NRXN1: variants seen among roughly 807,000 people sequenced by gnomAD.
NRXN1 encodes the protein neurexin 1.
A neutral mutation model predicts 150.9 loss-of-function variants in NRXN1; 39 were observed. The ratio of observed to expected loss-of-function variants is 0.26; its 90% CI spans 0.20 to 0.34. The LOEUF (loss-of-function observed/expected upper bound fraction) is 0.34, where lower values mean the gene tolerates loss of function less well. NRXN1 is among the 10% of genes least tolerant of loss of function. The probability of loss-of-function intolerance (pLI) is 1.00; values close to 1 mark genes in which losing one functional copy is unlikely to be tolerated. For synonymous variants in NRXN1, 924 were observed against 757.0 expected, an observed-to-expected ratio of 1.22 and a Z score of -3.62; for missense variants, 1,815 against 1,949.9, an observed-to-expected ratio of 0.93 and a Z score of 1.30.
chr2:50,942,766 C>T (rs1177037372), intron 2 of NRXN1, among the ~76,000 whole-genome samples: 1 of 152,102 alleles, frequency 6.6e-6, no homozygotes, highest in Non-Finnish European at 1.5e-5. Flanking sequence ...GAGGAAGAAC[C>T]TTGCCTTGTC....
At position 50,759,303 on chromosome 2, in the gene NRXN1, G is replaced by A. The variant is rs183667991; in HGVS notation, c.833-135688C>T. On this transcript the variant is annotated intron_variant, in intron 5 of 22. Coordinates refer to ENST00000401669, the MANE Select transcript of NRXN1 (RefSeq NM_001330078.2). ...GGTACAAAATCCCATTGAAAACTCA[G>A]AAATGGGACTGATGGGAGAACTGAA... Among the ~76,000 whole-genome samples the A allele has an allele frequency of 9.1e-4, 138 of 151,972 alleles. 1 individual carries two copies. Among genetic ancestry groups the A allele is most frequent in the Non-Finnish European group, 5.3e-4 (36 of 67,878 alleles).
chr2:50,926,180 C>G (rs915858970), intron 2 of NRXN1, among the ~76,000 whole-genome samples: 1 of 151,878 alleles, frequency 6.6e-6, no homozygotes, highest in African/African-American at 2.4e-5. Flanking sequence ...TACTGCCATG[C>G]CCTGTGCAAA....
At chr2:50,465,343 C>T in intron 17 of NRXN1, 99 bp downstream of exon 17, 1 of 1,233,260 alleles carries the variant, frequency 8.1e-7, no homozygotes. Context: ...GTTCGACTGA[C>T]TCAGAGTTAA....
intron 17 of NRXN1, among the ~76,000 whole-genome samples, chr2:50,450,214 A>G (rs1406214305): frequency 6.6e-6 from 1 of 152,138 alleles, no homozygotes; most frequent in African/African-American, 2.4e-5. Flanking sequence ...TTCCCAATTA[A>G]GGTCCATCTC....
chr2:50,825,427 G>T (rs773696009), intron 5 of NRXN1, among the ~76,000 whole-genome samples: 4 of 152,150 alleles, frequency 2.6e-5, no homozygotes, highest in African/African-American at 9.6e-5. Context: ...CCAAGTAGGT[G>T]AGAAAGGCTG....
intron 17 of NRXN1, among the ~76,000 whole-genome samples, chr2:50,461,272 G>T (rs565303201): frequency 6.6e-6 from 1 of 151,992 alleles, no homozygotes; most frequent in South Asian, 2.1e-4. Context: ...TCTGAAAACA[G>T]CCTTTTAATA....
chr2:50,725,351 A>G (rs779206980), intron 5 of NRXN1, among the ~76,000 whole-genome samples: 4 of 152,030 alleles, frequency 2.6e-5, no homozygotes, highest in Non-Finnish European at 5.9e-5. Context: ...ACTTAAAAAA[A>G]AAAACCCACA....
chr2:50,341,370 GC>G (rs2077536106), intron 17 of NRXN1, among the ~76,000 whole-genome samples: 4 of 150,040 alleles, frequency 2.7e-5, no homozygotes, highest in Non-Finnish European at 4.4e-5. Context: ...CCCTACATGT[GC>G]TCTAAAGTCT....
intron 18 of NRXN1, among the ~76,000 whole-genome samples, chr2:50,159,880 T>C (rs2059256412): frequency 6.6e-6 from 1 of 152,158 alleles, no homozygotes. Context: ...ATAATTATGC[T>C]GTGGAAGAAA....
intron 8 of NRXN1, among the ~76,000 whole-genome samples, chr2:50,566,245 A>G (rs1669823243): frequency 6.6e-6 from 1 of 151,552 alleles, no homozygotes; most frequent in African/African-American, 2.4e-5. Context: ...TGCCTGGTAT[A>G]ATTATTTTTT....
chr2:50,907,091 G>T (rs1003966424), intron 5 of NRXN1, among the ~76,000 whole-genome samples: 1 of 151,144 alleles, frequency 6.6e-6, no homozygotes, highest in Non-Finnish European at 1.5e-5. Context: ...ATGTAGAAAG[G>T]TCACTCTCTC....
At chr2:50,313,427 G>A (rs2075339240) in intron 17 of NRXN1, among the ~76,000 whole-genome samples, 1 of 152,104 alleles carries the variant, frequency 6.6e-6, no homozygotes, top group South Asian at 2.1e-4. Flanking sequence ...CCACAGAAAT[G>A]TGAGGAAAGC....
chr2:50,427,479 G>A (rs1208252402), intron 17 of NRXN1, among the ~76,000 whole-genome samples: 3 of 152,142 alleles, frequency 2.0e-5, no homozygotes, highest in East Asian at 1.9e-4. Flanking sequence ...ATATATCAGA[G>A]TATGTGTGAC....
At chr2:50,977,968 C>A (rs754215018) in intron 2 of NRXN1, among the ~76,000 whole-genome samples, 1 of 151,510 alleles carries the variant, frequency 6.6e-6, no homozygotes, top group African/African-American at 2.4e-5. Flanking sequence ...ACCTTTTCTT[C>A]TTAGGATTAT....
intron 21 of NRXN1, chr2:50,016,415 A>G (rs1371922054): frequency 1.3e-5 from 2 of 152,158 alleles, no homozygotes; most frequent in African/African-American, 4.8e-5. Flanking sequence ...CAGTGGGGCT[A>G]TGTATTATTC....
chr2:50,688,682 G>A (rs1432223170), intron 5 of NRXN1, among the ~76,000 whole-genome samples: 4 of 150,522 alleles, frequency 2.7e-5, no homozygotes, highest in East Asian at 1.9e-4. Flanking sequence ...GTATGACAAT[G>A]GGCATTTTTT....
chr2:50,763,689 T>G (rs187039129), intron 5 of NRXN1, among the ~76,000 whole-genome samples: 1 of 152,014 alleles, frequency 6.6e-6, no homozygotes, highest in Admixed American at 6.6e-5. Context: ...TGGCAGAGTA[T>G]TCCACTTTTG....
intron 5 of NRXN1, among the ~76,000 whole-genome samples, chr2:50,658,424 G>GTGTGTGTGTGTA (rs1686817212): frequency 6.6e-6 from 1 of 151,694 alleles, no homozygotes; most frequent in Non-Finnish European, 1.5e-5. Flanking sequence ...GTGTGTGTGT[G>GTGTGTGTGTGTA]TGTGTGTGTG....
chr2:50,465,629 G>C, intron 16 of NRXN1, 68 bp from the exon 17 acceptor site: 3 of 1,489,844 alleles, frequency 2.0e-6, no homozygotes, highest in South Asian at 1.3e-5. Context: ...ACATGAGCTA[G>C]ATCACATGTA....
Sources: gnomAD v4.1 joint callset for allele counts (sites outside exome capture counted in the v4.1 genomes callset) on GRCh38, gnomAD v4.1.1 for gene constraint, MANE v1.5 for transcripts, NCBI Gene and HGNC (gene_info 2026-07-23, HGNC 2026-07-21) for gene names.